TF: variants seen among roughly 807,000 people sequenced by gnomAD.
TF encodes the protein transferrin, also known as serotransferrin.
TF carries 55 observed loss-of-function variants against 82.4 expected under a neutral mutation model. The ratio of observed to expected loss-of-function variants is 0.67; its 90% CI spans 0.54 to 0.84. The LOEUF (loss-of-function observed/expected upper bound fraction) is 0.84, where lower values mean the gene tolerates loss of function less well. Ranked by LOEUF, TF falls within the 40% of genes least tolerant of loss-of-function variation. TF has a pLI of 0.00. For missense variants in TF, 737 were observed against 868.4 expected (o/e 0.85, Z 1.90); for synonymous variants, 332 against 332.6 (o/e 1.00, Z 0.02).
At chr3:133,737,255 C>A in the TF span, among the ~76,000 whole-genome samples, 4 of 152,268 alleles carry the variant, frequency 2.6e-5, no homozygotes, top group African/African-American at 9.6e-5. Flanking sequence ...TAAATAAGTT[C>A]TTTGAAACCA....
At chr3:133,696,021 C>A in the TF span, among the ~76,000 whole-genome samples, 1 of 152,122 alleles carries the variant, frequency 6.6e-6, no homozygotes, top group Non-Finnish European at 1.5e-5. Flanking sequence ...CTGGCACTTC[C>A]CGTTTATGTA....
Position 133,757,843 on chromosome 3 carries a change from G to C in TF, c.945G>C (p.Lys315Asn), listed in dbSNP as rs765962453. 4 of 1,614,208 alleles carry C rather than the reference G, an allele frequency of 2.5e-6. No individual in the cohort carries two copies. The Admixed American group carries it at 6.7e-5, about 27-fold the overall frequency. ...SSPHGKDLLF[K>N]DSAHGFLKVP... ...CTCATGGGAAGGACCTGCTGTTTAA[G>C]GACTCTGCCCACGGGTTTTTAAAAG... is the stretch of plus-strand genomic sequence containing the variant. The change falls in exon 8 of 17, where the codon AAG (lysine) becomes AAC (asparagine). Residue 315 changes from lysine (K) to asparagine (N), a missense_variant. By Grantham distance (94) the Lys-to-Asn change is moderately conservative. Transcript: ENST00000402696.
chr3:133,710,139 C>T, the TF span: 1 of 152,768 alleles, frequency 6.5e-6, no homozygotes, highest in Non-Finnish European at 1.5e-5. Context: ...CAAGATCAGA[C>T]AAGATCAGGC....
chr3:133,793,012 G>T lies in TF; in HGVS notation c.*14392G>T, dbSNP rs1229305500. ...TGGTCAAACGGATTAAGATTGGAAA[G>T]ATATGTCTACAAGGTTTTCTTAAAA... On this transcript the variant is annotated 3_prime_UTR_variant, in exon 17 of 17. Coordinates refer to ENST00000402696, the MANE Select transcript of TF (RefSeq NM_001063.4). 1.3e-5 allele frequency: 2 copies of T among 152,158 alleles called. No individual in the cohort carries two copies. Among genetic ancestry groups the T allele is most frequent in the African/African-American group, 2.4e-5 (1 of 41,458 alleles). 9.4% of individuals were successfully genotyped at this position (152,158 alleles called of 1,614,324 possible). A position where few individuals can be genotyped will look rare whatever the true frequency, so the allele number is the denominator to read the frequency against.
intron 9 of TF, chr3:133,760,813 A>T (rs2107920791): frequency 6.3e-6 from 1 of 158,046 alleles, no homozygotes; most frequent in East Asian, 1.9e-4. Context: ...CAAGTGGATG[A>T]TTGCTGGATA....
At chr3:133,711,638 T>C in the TF span, among the ~76,000 whole-genome samples, 4 of 152,104 alleles carry the variant, frequency 2.6e-5, no homozygotes. Context: ...TCATTTCCCC[T>C]GAACTTCTCC....
chr3:133,778,740 G>GT lies in TF; in HGVS notation c.*122dup. ...ACCACGTCTGTCTTCACAGCTCTGT[G>GT]TTGCCATGTGTGCTGAACAAAAAAT... is the stretch of plus-strand genomic sequence containing the variant. On this transcript the variant is annotated 3_prime_UTR_variant, in exon 17 of 17. Coordinates refer to ENST00000402696, the MANE Select transcript of TF (RefSeq NM_001063.4). 1 of 940,274 alleles carries GT rather than the reference G, an allele frequency of 1.1e-6. No individual in the cohort carries two copies. 58.2% of individuals were successfully genotyped at this position (940,274 alleles called of 1,614,324 possible). A position where few individuals can be genotyped will look rare whatever the true frequency, so the allele number is the denominator to read the frequency against.
chr3:133,764,076 C>A, intron 9 of TF, 106 bp from the exon 10 acceptor site: 1 of 913,634 alleles, frequency 1.1e-6, no homozygotes. Flanking sequence ...TGCTATCTCC[C>A]TGGCATTCAT....
the TF span, among the ~76,000 whole-genome samples, chr3:133,679,569 CTTTTTTT>C: frequency 1.2e-4 from 9 of 75,388 alleles, no homozygotes; most frequent in East Asian, 4.1e-3. Context: ...CTTTGTTTGG[CTTTTTTT>C]TTTTTTTTTT....
At chr3:133,666,704 GA>G in the TF span, among the ~76,000 whole-genome samples, 1 of 152,006 alleles carries the variant, frequency 6.6e-6, no homozygotes, top group Admixed American at 6.6e-5. Flanking sequence ...CAAGCTCAGG[GA>G]ATTGGCCTGT....
At chr3:133,772,111 A>G (rs1293093047) in intron 14 of TF, among the ~76,000 whole-genome samples, 6 of 152,184 alleles carry the variant, frequency 3.9e-5, no homozygotes, top group Non-Finnish European at 8.8e-5. Flanking sequence ...ACTCTGTAAT[A>G]CACTTTGGCT....
At chr3:133,675,266 A>AT in the TF span, among the ~76,000 whole-genome samples, 2 of 147,248 alleles carry the variant, frequency 1.4e-5, no homozygotes, top group Non-Finnish European at 3.0e-5. Flanking sequence ...AAAAAAAAAA[A>AT]GATTGAGGGG....
At chr3:133,679,941 C>T in the TF span, among the ~76,000 whole-genome samples, 7 of 152,100 alleles carry the variant, frequency 4.6e-5, no homozygotes, top group African/African-American at 1.7e-4. Context: ...CATGTCCTGC[C>T]AGTGCTTGGT....
At chr3:133,709,345 G>A in the TF span, among the ~76,000 whole-genome samples, 1 of 152,186 alleles carries the variant, frequency 6.6e-6, no homozygotes, top group African/African-American at 2.4e-5. Flanking sequence ...AGGGGGACAG[G>A]ATGGAAATGG....
At chr3:133,753,450 T>C (rs952927442) in intron 2 of TF, 145 bp from the exon 3 acceptor site, 4 of 706,924 alleles carry the variant, frequency 5.7e-6, no homozygotes, top group Non-Finnish European at 1.0e-5. Context: ...CAGAGTCAAC[T>C]GAAGCCAGCA....
At chr3:133,777,779 G>A (rs1410573072) in intron 16 of TF, 1 of 159,404 alleles carries the variant, frequency 6.3e-6, no homozygotes, top group African/African-American at 2.4e-5. Flanking sequence ...ATAGGTTCTG[G>A]TAACCATAAA....
the TF span, among the ~76,000 whole-genome samples, chr3:133,728,492 C>A: frequency 6.6e-6 from 1 of 152,150 alleles, no homozygotes; most frequent in Non-Finnish European, 1.5e-5. Context: ...TGAGCCTTGG[C>A]TTTCAGCTCC....
At chr3:133,702,511 C>T in the TF span, among the ~76,000 whole-genome samples, 3 of 151,798 alleles carry the variant, frequency 2.0e-5, no homozygotes, top group African/African-American at 7.3e-5. Flanking sequence ...CACCATTGCA[C>T]TCTAGCCTGG....
chr3:133,768,771 T>G (rs1419108594), intron 13 of TF, among the ~76,000 whole-genome samples: 1 of 149,332 alleles, frequency 6.7e-6, no homozygotes, highest in Non-Finnish European at 1.5e-5. Context: ...TAGAGATACC[T>G]GTGTACCTTG....
Sources: gnomAD v4.1 joint callset for allele counts (sites outside exome capture counted in the v4.1 genomes callset) on GRCh38, gnomAD v4.1.1 for gene constraint, MANE v1.5 for transcripts, NCBI Gene and HGNC (gene_info 2026-07-23, HGNC 2026-07-21) for gene names.